The following GLIS3 variants were observed in gnomAD, a reference collection of about 807,000 sequenced individuals.
GLIS3 encodes zinc finger protein GLIS3.
A neutral mutation model predicts 78.6 loss-of-function variants in GLIS3; 53 were observed. The observed-to-expected ratio is 0.67, with a 90% CI of 0.54 to 0.85. GLIS3 has a LOEUF of 0.85. Ranked by LOEUF, GLIS3 falls within the 40% of genes least tolerant of loss-of-function variation. The probability of loss-of-function intolerance (pLI) is 0.00; values close to 1 mark genes in which losing one functional copy is unlikely to be tolerated. For missense variants in GLIS3, 1,703 were observed against 1,231.1 expected, an observed-to-expected ratio of 1.38 and a Z score of -5.74; for synonymous variants, 684 against 509.9, an observed-to-expected ratio of 1.34 and a Z score of -4.60.
At chr9:4,257,325 G>C (rs1488230056) in intron 2 of GLIS3, among the ~76,000 whole-genome samples, 1 of 152,148 alleles carries the variant, frequency 6.6e-6, no homozygotes, top group Non-Finnish European at 1.5e-5. Context: ...GAGTAGATGA[G>C]TGGGGTGGGG....
chr9:3,841,383 C>A (rs1818705073), intron 9 of GLIS3, among the ~76,000 whole-genome samples: 1 of 152,186 alleles, frequency 6.6e-6, no homozygotes, highest in African/African-American at 2.4e-5. Flanking sequence ...TGAAAGCCAG[C>A]TCTGCCATGT....
rs1831867129 is a variant in GLIS3 at position 4,118,259 on chromosome 9, G to C, written c.1219C>G (p.Leu407Val). The C allele has an allele frequency of 1.3e-6, 2 of 1,589,822 alleles. No individual in the cohort carries two copies. The highest frequency in any genetic ancestry group is 1.1e-5 in the South Asian group (1 of 88,100). Residue 407 changes from leucine to valine, a missense_variant, in exon 4 of 11, where the codon CTG (leucine) becomes GTG (valine). Leu to Val is a conservative substitution (Grantham distance 32). Coordinates refer to ENST00000381971, the MANE Select transcript of GLIS3 (RefSeq NM_001042413.2). This position sits in a 1 kb window ranked among gnomAD's most constrained non-coding sequence, Gnocchi z 4.7. The part of the protein sequence containing the change: ...QLEHGGLQPG[L>V]VNHMVVQHGL... ...TGCTGCACCACCATGTGGTTGACCA[G>C]GCCTGGCTGCAGGCCGCCGTGCTCC... is the stretch of plus-strand genomic sequence containing the variant.
At chr9:4,074,898 G>T (rs1163997558) in intron 4 of GLIS3, among the ~76,000 whole-genome samples, 1 of 152,150 alleles carries the variant, frequency 6.6e-6, no homozygotes, top group African/African-American at 2.4e-5. Flanking sequence ...CATCTACCAT[G>T]ATCTTCTTTC....
the GLIS3 span, among the ~76,000 whole-genome samples, chr9:4,455,657 T>C: frequency 1.3e-5 from 2 of 152,316 alleles, no homozygotes; most frequent in Non-Finnish European, 2.9e-5. Flanking sequence ...AATATCTTCA[T>C]GAAGTGATCA....
chr9:3,893,060 A>C lies in GLIS3; in HGVS notation c.2128+5631T>G, dbSNP rs1005474444. The stretch of plus-strand genomic sequence containing the variant: ...ACATTGTTTCACTGCCCAGGTATTA[A>C]GTCTACTTGTTTTTCCTGATCCTCT... On this transcript the variant is annotated intron_variant, in intron 7 of 10. Coordinates refer to ENST00000381971, the MANE Select transcript of GLIS3 (RefSeq NM_001042413.2). Among the ~76,000 whole-genome samples the C allele has an allele frequency of 3.3e-5, 5 of 152,136 alleles. No homozygotes were observed. In the East Asian group the frequency reaches 9.6e-4, roughly 29 times the overall value.
At chr9:3,850,354 G>C (rs1051556335) in intron 9 of GLIS3, among the ~76,000 whole-genome samples, 4 of 152,214 alleles carry the variant, frequency 2.6e-5, no homozygotes, top group Non-Finnish European at 5.9e-5. Context: ...TATTAAAATA[G>C]AGCTGAAAGG....
At chr9:4,221,177 G>T (rs1450821510) in intron 2 of GLIS3, among the ~76,000 whole-genome samples, 1 of 152,106 alleles carries the variant, frequency 6.6e-6, no homozygotes, top group Non-Finnish European at 1.5e-5. Context: ...ATACATACAT[G>T]CATAGGTAAA....
At position 3,828,323 on chromosome 9, in the gene GLIS3, G is replaced by A; in HGVS notation, c.2742C>T (p.Ser914=). Residue 914 remains serine, a synonymous_variant, in exon 11 of 11, where the codon AGC becomes AGT. Coordinates refer to ENST00000381971, the MANE Select transcript of GLIS3 (RefSeq NM_001042413.2). The part of the protein sequence containing the change: ...GAEDATFLQI[S]TVDRCPSQLS... ...GCTGGCTAGGACAGCGGTCCACGGT[G>A]CTGATCTGCAAGAAGGTAGCATCTT... 1 of 1,614,092 alleles carries A rather than the reference G, an allele frequency of 6.2e-7. No homozygotes were observed.
intron 2 of GLIS3, among the ~76,000 whole-genome samples, chr9:4,260,875 G>A (rs964006549): frequency 3.3e-5 from 5 of 152,200 alleles, no homozygotes; most frequent in African/African-American, 4.8e-5. Flanking sequence ...GCCTAAGGCT[G>A]TACTGTCTAA....
chr9:3,876,650 G>C (rs570547504), intron 8 of GLIS3, among the ~76,000 whole-genome samples: 33 of 67,928 alleles, frequency 4.9e-4, no homozygotes, highest in Non-Finnish European at 9.4e-4. Flanking sequence ...GAGAGAGAGA[G>C]AGAGAGAAAG....
At chr9:4,276,374 G>A (rs1304350423) in intron 2 of GLIS3, among the ~76,000 whole-genome samples, 1 of 43,082 alleles carries the variant, frequency 2.3e-5, no homozygotes, top group Non-Finnish European at 4.8e-5. Context: ...GAGGGCACGG[G>A]AGGGGAGGTG....
At chr9:4,194,429 T>C (rs1818614903) in intron 2 of GLIS3, among the ~76,000 whole-genome samples, 1 of 152,166 alleles carries the variant, frequency 6.6e-6, no homozygotes, top group Non-Finnish European at 1.5e-5. Flanking sequence ...TAGTAACAAA[T>C]ATAAACTTCA....
At chr9:4,321,986 G>C (rs1192412642) in intron 2 of GLIS3, among the ~76,000 whole-genome samples, 1 of 152,052 alleles carries the variant, frequency 6.6e-6, no homozygotes, top group Non-Finnish European at 1.5e-5. Context: ...CCATTAACTA[G>C]TCATTCACAT....
intron 2 of GLIS3, among the ~76,000 whole-genome samples, chr9:4,317,678 G>A (rs1220828885): frequency 6.6e-6 from 1 of 152,146 alleles, no homozygotes; most frequent in Admixed American, 6.5e-5. Flanking sequence ...TGATCACAAA[G>A]GTGGTCTACA....
the GLIS3 span, among the ~76,000 whole-genome samples, chr9:4,405,019 T>C: frequency 4.0e-5 from 6 of 151,898 alleles, no homozygotes; most frequent in Admixed American, 3.9e-4. Flanking sequence ...ATGAATAAAA[T>C]CAGAGATGAA....
intron 10 of GLIS3, 135 bp downstream of exon 10, chr9:3,829,175 C>T: frequency 2.7e-6 from 2 of 736,394 alleles, no homozygotes; most frequent in Non-Finnish European, 4.9e-6. Context: ...AGATGAGAGC[C>T]ATTTCAGGGG....
chr9:4,410,402 G>C, the GLIS3 span, among the ~76,000 whole-genome samples: 41 of 152,236 alleles, frequency 2.7e-4, no homozygotes, highest in South Asian at 1.5e-3. Context: ...TTTAGTTACA[G>C]TTGTAGGCCA....
the GLIS3 span, among the ~76,000 whole-genome samples, chr9:4,363,414 A>C: frequency 6.6e-6 from 1 of 152,184 alleles, no homozygotes; most frequent in Admixed American, 6.5e-5. Context: ...GACTCAGAAG[A>C]AGCAAAGAAG....
At position 4,242,864 on chromosome 9, in the gene GLIS3, T is replaced by C. The variant is rs552837135; in HGVS notation, c.388+43174A>G. Reference sequence around the variant, plus strand: ...AAAATATATTATTAATATTAACTTGTTTCATTTTACTTTTTTAATGTGGCT... The same window carrying C: ...AAAATATATTATTAATATTAACTTGCTTCATTTTACTTTTTTAATGTGGCT... On this transcript the variant is annotated intron_variant, in intron 2 of 10. Coordinates refer to ENST00000381971, the MANE Select transcript of GLIS3 (RefSeq NM_001042413.2). Among the ~76,000 whole-genome samples the C allele has an allele frequency of 3.9e-5, 6 of 152,274 alleles. No individual in the cohort carries two copies. In the East Asian group the frequency reaches 1.2e-3, roughly 29 times the overall value.
Sources: gnomAD v4.1 joint callset for allele counts (sites outside exome capture counted in the v4.1 genomes callset) on GRCh38, gnomAD v4.1.1 for gene constraint, Gnocchi (gnomAD v3.1) non-coding constraint, MANE v1.5 for transcripts, NCBI Gene and HGNC (gene_info 2026-07-23, HGNC 2026-07-21) for gene names.